NUP205: variants seen among roughly 807,000 people sequenced by gnomAD.
NUP205 encodes the protein nuclear pore complex protein Nup205.
Under a neutral mutation model 253.8 loss-of-function variants are expected in NUP205, and 76 were observed. The observed-to-expected ratio is 0.30, with a 90% CI of 0.25 to 0.36. The LOEUF (loss-of-function observed/expected upper bound fraction) is 0.36, where lower values mean the gene tolerates loss of function less well. Among genes scored for constraint, NUP205 ranks in the 10% least tolerant of loss-of-function variants. The pLI, the probability that NUP205 is intolerant of heterozygous loss-of-function variation, is 1.00. For synonymous variants in NUP205, 832 were observed against 850.1 expected, an observed-to-expected ratio of 0.98 and a Z score of 0.37; for missense variants, 2,162 against 2,425.5, an observed-to-expected ratio of 0.89 and a Z score of 2.28.
intron 22 of NUP205, among the ~76,000 whole-genome samples, chr7:135,611,638 G>T (rs1794241251): frequency 6.6e-6 from 1 of 151,244 alleles, no homozygotes; most frequent in Admixed American, 6.6e-5. Flanking sequence ...TTACATTCAG[G>T]TTGTTTCCAG....
At chr7:135,621,631 T>G (rs1487254125) in intron 30 of NUP205, among the ~76,000 whole-genome samples, 1 of 152,240 alleles carries the variant, frequency 6.6e-6, no homozygotes, top group East Asian at 1.9e-4. Flanking sequence ...ATAAAATGTA[T>G]GATCATACTG....
At chr7:135,578,079 G>T in intron 6 of NUP205, 55 bp downstream of exon 6, 1 of 1,311,048 alleles carries the variant, frequency 7.6e-7, no homozygotes, top group South Asian at 1.2e-5. Context: ...AAAATTGTGG[G>T]GATAACATTT....
intron 22 of NUP205, among the ~76,000 whole-genome samples, chr7:135,610,772 A>G (rs1242052848): frequency 1.3e-5 from 2 of 152,222 alleles, no homozygotes; most frequent in Admixed American, 6.5e-5. Flanking sequence ...TAGTTTAAAT[A>G]AATCTGATTG....
intron 33 of NUP205, 103 bp downstream of exon 33, chr7:135,626,464 T>C: frequency 2.3e-6 from 3 of 1,305,738 alleles, no homozygotes; most frequent in Non-Finnish European, 3.1e-6. Context: ...TTCTCTTTCA[T>C]CTTGGTGTGG....
rs748837766 is a variant in NUP205, at chr7:135,593,506, A to G, written c.1830+314A>G. Among the ~76,000 whole-genome samples, 114 of 152,186 alleles carry G rather than the reference A, an allele frequency of 7.5e-4. 1 individual carries two copies. Among genetic ancestry groups the G allele is most frequent in the Admixed American group, 7.1e-3 (109 of 15,274 alleles). On this transcript the variant is annotated intron_variant, in intron 12 of 42. Transcript: ENST00000285968. Reference sequence around the variant, plus strand: ...TTCCAGCATAAGTGTAGAGATATATATGTGCATTTATATGTGTGTATGCAT... The same window carrying G: ...TTCCAGCATAAGTGTAGAGATATATGTGTGCATTTATATGTGTGTATGCAT...
intron 10 of NUP205, among the ~76,000 whole-genome samples, chr7:135,590,827 A>G (rs887141671): frequency 7.9e-5 from 12 of 152,186 alleles, no homozygotes; most frequent in Non-Finnish European, 1.2e-4. Context: ...CACTGCGCCC[A>G]GCCAAACCAT....
At chr7:135,562,869 T>C (rs1460553928) in intron 1 of NUP205, among the ~76,000 whole-genome samples, 1 of 152,124 alleles carries the variant, frequency 6.6e-6, no homozygotes, top group African/African-American at 2.4e-5. Context: ...CGTGGGCAAG[T>C]GAGCCCTGTG....
intron 21 of NUP205, 92 bp downstream of exon 21, chr7:135,607,007 T>C (rs1195459160): frequency 3.7e-6 from 5 of 1,350,950 alleles, no homozygotes; most frequent in African/African-American, 1.5e-5. Context: ...GGATAATTCA[T>C]TGAAAGAAAA....
chr7:135,639,400 A>C (rs1277475945), intron 38 of NUP205, among the ~76,000 whole-genome samples: 1 of 152,232 alleles, frequency 6.6e-6, no homozygotes, highest in African/African-American at 2.4e-5. Context: ...TGAAAAGTAT[A>C]TTAGTGGCCG....
intron 34 of NUP205, among the ~76,000 whole-genome samples, chr7:135,628,644 C>G (rs916832861): frequency 6.6e-6 from 1 of 152,220 alleles, no homozygotes; most frequent in African/African-American, 2.4e-5. Context: ...CACTAACATT[C>G]CAACACACAT....
intron 2 of NUP205, among the ~76,000 whole-genome samples, chr7:135,572,693 G>A (rs1332940515): frequency 6.6e-6 from 1 of 152,134 alleles, no homozygotes; most frequent in Non-Finnish European, 1.5e-5. Context: ...CAGAGTAGCT[G>A]GATTACAGGC....
intron 1 of NUP205, among the ~76,000 whole-genome samples, chr7:135,570,665 TA>T (rs1805935243): frequency 8.4e-6 from 1 of 119,462 alleles, no homozygotes; most frequent in East Asian, 2.1e-4. Context: ...ATTATATTAA[TA>T]TAATTAATAT....
At chr7:135,572,224 T>C (rs1408308327) in intron 2 of NUP205, among the ~76,000 whole-genome samples, 1 of 152,190 alleles carries the variant, frequency 6.6e-6, no homozygotes, top group Admixed American at 6.5e-5. Context: ...TTATGTTTAT[T>C]TCTAGCTAGG....
chr7:135,564,988 C>T (rs143154789), intron 1 of NUP205, among the ~76,000 whole-genome samples: 1,578 of 151,972 alleles, frequency 0.01, 30 homozygotes, highest in African/African-American at 0.036. Context: ...AGGCTGGTCT[C>T]GAACTCCTGA....
chr7:135,608,151 C>A (rs1794128866), intron 22 of NUP205, among the ~76,000 whole-genome samples: 2 of 151,638 alleles, frequency 1.3e-5, no homozygotes, highest in Non-Finnish European at 2.9e-5. Flanking sequence ...CTCAGCCTCC[C>A]AAGTAGCTGG....
chr7:135,562,439 T>C (rs1805611077), intron 1 of NUP205, among the ~76,000 whole-genome samples: 1 of 151,846 alleles, frequency 6.6e-6, no homozygotes, highest in African/African-American at 2.4e-5. Flanking sequence ...CTCAAACGAT[T>C]CACCTGCCTC....
intron 8 of NUP205, among the ~76,000 whole-genome samples, chr7:135,587,157 A>C (rs2129490128): frequency 6.6e-6 from 1 of 151,984 alleles, no homozygotes; most frequent in South Asian, 2.1e-4. Flanking sequence ...AATGTTCTTC[A>C]GAGTGTGTTT....
At position 135,593,173 on chromosome 7, in the gene NUP205, C is replaced by G; in HGVS notation, c.1811C>G (p.Thr604Arg). 6.2e-7 allele frequency: 1 copy of G among 1,614,006 alleles called. No homozygotes were observed. The highest frequency in any genetic ancestry group is 8.5e-7 in the Non-Finnish European group (1 of 1,179,932). The change falls in exon 12 of 43, where the codon ACG (threonine) becomes AGG (arginine). Residue 604 changes from threonine (T) to arginine (R), a missense_variant. Around this residue, in one of 5 missense-constraint regions of NUP205, gnomAD observed 892 missense variants for 957.1 expected, o/e 0.93. Coordinates refer to ENST00000285968, the MANE Select transcript of NUP205 (RefSeq NM_015135.3). ...GGATTGATTGCTTTTTTGCAGCTCA[C>G]GTCTACCATCATTACTTGGGTAGGT... ...QDGLIAFLQL[T>R]STIITWSENA...
At chr7:135,606,614 C>G (rs1794090934) in intron 20 of NUP205, 137 bp from the exon 21 acceptor site, 2 of 664,402 alleles carry the variant, frequency 3.0e-6, no homozygotes, top group Non-Finnish European at 2.6e-6. Context: ...TTAAATAAAT[C>G]TGAAATGAAT....
Sources: gnomAD v4.1 joint callset for allele counts (sites outside exome capture counted in the v4.1 genomes callset) on GRCh38, gnomAD v4.1.1 for gene constraint, gnomAD v4.1.1 regional missense constraint, MANE v1.5 for transcripts, NCBI Gene and HGNC (gene_info 2026-07-23, HGNC 2026-07-21) for gene names.